MYH2: variants seen among roughly 807,000 people sequenced by gnomAD.
MYH2 encodes myosin heavy chain 2.
A neutral mutation model predicts 228.1 loss-of-function variants in MYH2; 139 were observed. That is an observed-to-expected ratio of 0.61 (90% CI 0.53 to 0.70). The LOEUF (loss-of-function observed/expected upper bound fraction) is 0.70, where lower values mean the gene tolerates loss of function less well. MYH2 is among the 30% of genes least tolerant of loss of function. The probability of loss-of-function intolerance (pLI) is 0.00; values close to 1 mark genes in which losing one functional copy is unlikely to be tolerated. For synonymous variants in MYH2, 796 were observed against 871.1 expected (o/e 0.91, Z 1.52); for missense variants, 1,809 against 2,357.5 (o/e 0.77, Z 4.82).
rs748617340 is a variant in MYH2 at position 10,527,836 on chromosome 17, T to C, written c.3783A>G (p.Gln1261=). 4 of 1,614,016 alleles carry C rather than the reference T, an allele frequency of 2.5e-6. No individual in the cohort carries two copies. In the South Asian group the frequency reaches 3.3e-5, roughly 13 times the overall value. ...LEKMCRTLED[Q]LSELKSKEEE... ...CTTCCTTTGATTTCAGTTCACTCAG[T>C]TGGTCCTCTAGAGTCCGGCACATTT... Residue 1261 remains glutamine (Q), a synonymous_variant, in exon 28 of 40, where the codon CAA becomes CAG. Coordinates refer to ENST00000245503, the MANE Select transcript of MYH2 (RefSeq NM_017534.6).
rs1366567306 is a variant in MYH2 at position 10,526,956 on chromosome 17, T to C, written c.3972A>G (p.Gln1324=). The change falls in exon 29 of 40, where the codon CAA becomes CAG. Residue 1324 remains glutamine (Q), a synonymous_variant. Transcript: ENST00000245503. ...FTQQIEELKR[Q]LEEEIKAKNA... is the part of the protein sequence containing the mutation. ...TAATTACTTTTATCTCCTCTTCAAG[T>C]TGCCTCTTTAATTCTTCAATCTGTT... 1.2e-6 allele frequency: 2 copies of C among 1,614,118 alleles called. No homozygotes were observed. Among genetic ancestry groups the C allele is most frequent in the South Asian group, 2.2e-5 (2 of 91,080 alleles).
intron 38 of MYH2, 22 bp downstream of exon 38, chr17:10,523,286 C>A: frequency 1.2e-6 from 2 of 1,613,568 alleles, no homozygotes; most frequent in South Asian, 2.2e-5. Context: ...AGTGCTTAGC[C>A]GCTAAAAACT....
chr17:10,545,548 T>C (rs1191563680), intron 4 of MYH2, 46 bp from the exon 5 acceptor site: 5 of 1,607,662 alleles, frequency 3.1e-6, no homozygotes, highest in East Asian at 2.2e-5. Context: ...TTTCCTGTTA[T>C]TTGTGAAATT....
chr17:10,526,466 G>C, intron 30 of MYH2, 133 bp downstream of exon 30: 1 of 1,397,840 alleles, frequency 7.2e-7, no homozygotes, highest in Non-Finnish European at 1.0e-6. Flanking sequence ...TATTCTCAGG[G>C]CCTGATTGTG....
chr17:10,547,694 C>T, intron 3 of MYH2, 23 bp downstream of exon 3: 1 of 1,614,170 alleles, frequency 6.2e-7, no homozygotes, highest in East Asian at 2.2e-5. Context: ...TAAAATGTGG[C>T]AAGCTCCTGG....
chr17:10,535,471 T>A, intron 17 of MYH2, 106 bp from the exon 18 acceptor site: 1 of 922,848 alleles, frequency 1.1e-6, no homozygotes, highest in South Asian at 1.4e-5. Context: ...ATGACCAGTA[T>A]GGACTGCATT....
At chr17:10,549,320 T>C (rs569001448) in intron 2 of MYH2, 55 bp downstream of exon 2, 2 of 152,770 alleles carry the variant, frequency 1.3e-5, no homozygotes, top group Non-Finnish European at 1.5e-5. Flanking sequence ...GTGACAGAAA[T>C]CCATCCCAGA....
At position 10,537,628 on chromosome 17, in the gene MYH2, T is replaced by C. The variant is rs1316167150; in HGVS notation, c.1587+37A>G. 1.5e-5 allele frequency: 25 copies of C among 1,614,242 alleles called. No homozygotes were observed. Among genetic ancestry groups the C allele is most frequent in the Non-Finnish European group, 2.0e-5 (24 of 1,180,032 alleles). ...AAATAAAAAGCAGCGAATAATATAG[T>C]TGCCGCAAAATATGGTTTCAGAAAT... On this transcript the variant is annotated intron_variant, in intron 15 of 39. Transcript: ENST00000245503. The surrounding 1 kb of genome is among the most constrained non-coding windows in gnomAD (Gnocchi z 4.0).
At chr17:10,535,642 C>T (rs1025111059) in intron 17 of MYH2, among the ~76,000 whole-genome samples, 1 of 152,174 alleles carries the variant, frequency 6.6e-6, no homozygotes, top group Admixed American at 6.5e-5. Flanking sequence ...TACCCTGGTC[C>T]CTGGCCATAC....
At chr17:10,522,552 T>A (rs1054263167) in intron 39 of MYH2, among the ~76,000 whole-genome samples, 6 of 152,054 alleles carry the variant, frequency 3.9e-5, no homozygotes, top group Non-Finnish European at 8.8e-5. Flanking sequence ...TCTACTGTTT[T>A]ATTATTATTT....
chr17:10,525,260 T>C lies in MYH2; in HGVS notation c.4626A>G (p.Glu1542=). The change falls in exon 33 of 40, where the codon GAA becomes GAG. Residue 1542 remains glutamate, a synonymous_variant. Transcript: ENST00000245503. The surrounding 1 kb of genome is among the most constrained non-coding windows in gnomAD (Gnocchi z 4.2). The part of the protein sequence containing the change: ...LEKIKKQVEQ[E]KCELQAALEE... ...CTAAAGCAGCCTGAAGTTCACACTT[T>C]TCTTGTTCCACTTGTTTCTTTATTT... 1 of 1,614,184 alleles carries C rather than the reference T, an allele frequency of 6.2e-7. No homozygotes were observed. Among genetic ancestry groups the C allele is most frequent in the Non-Finnish European group, 8.5e-7 (1 of 1,180,038 alleles).
intron 5 of MYH2, 67 bp from the exon 6 acceptor site, chr17:10,544,194 A>G: frequency 6.4e-7 from 1 of 1,566,916 alleles, no homozygotes. Context: ...AGTAAAGTAA[A>G]ATGGAATGAA....
intron 19 of MYH2, 59 bp downstream of exon 19, chr17:10,535,014 C>G: frequency 6.4e-7 from 1 of 1,561,680 alleles, no homozygotes; most frequent in East Asian, 2.2e-5. Context: ...AATTGTTTTG[C>G]TTGCATTAAA....
At chr17:10,530,777 C>T (rs907160830) in intron 22 of MYH2, among the ~76,000 whole-genome samples, 3 of 152,076 alleles carry the variant, frequency 2.0e-5, no homozygotes, top group Admixed American at 6.6e-5. Flanking sequence ...TGGTTTAGTA[C>T]AGATTCTGCA....
At chr17:10,526,888 A>G in intron 29 of MYH2, 50 bp downstream of exon 29, 4 of 1,613,060 alleles carry the variant, frequency 2.5e-6, no homozygotes, top group East Asian at 2.2e-5. Flanking sequence ...AACAGGCTCC[A>G]TGTAGAATCA....
chr17:10,535,013 G>T (rs926714662), intron 19 of MYH2, 60 bp downstream of exon 19: 4 of 1,550,252 alleles, frequency 2.6e-6, no homozygotes, highest in African/African-American at 1.4e-5. Flanking sequence ...AAATTGTTTT[G>T]CTTGCATTAA....
chr17:10,527,689 C>A, intron 28 of MYH2, 59 bp downstream of exon 28: 1 of 1,611,854 alleles, frequency 6.2e-7, no homozygotes, highest in South Asian at 1.1e-5. Context: ...CCAAATCAGT[C>A]CGTTGTTCTT....
intron 10 of MYH2, among the ~76,000 whole-genome samples, chr17:10,541,932 C>T (rs542029609): frequency 1.1e-4 from 17 of 152,254 alleles, no homozygotes; most frequent in African/African-American, 3.1e-4. Flanking sequence ...TAGGCACCAT[C>T]GCAAACACCT....
chr17:10,524,901 A>G lies in MYH2; in HGVS notation c.4827T>C (p.Ala1609=), dbSNP rs2142292649. The part of the protein sequence containing the change: ...IVESMQSTLD[A]EIRSRNDAIR... ...TGGCATCATTCCTACTCCTGATCTC[A>G]GCATCCAGCGTGCTCTGCATGGACT... The change falls in exon 34 of 40, where the codon GCT becomes GCC. Residue 1609 remains alanine (A), a synonymous_variant. Transcript: ENST00000245503. The surrounding 1 kb of genome is among the most constrained non-coding windows in gnomAD (Gnocchi z 4.7). The G allele has an allele frequency of 6.2e-7, 1 of 1,614,010 alleles. No homozygotes were observed. The highest frequency in any genetic ancestry group is 8.5e-7 in the Non-Finnish European group (1 of 1,180,006).
Sources: allele counts gnomAD v4.1 joint callset (sites outside exome capture counted in the v4.1 genomes callset), GRCh38; gene constraint gnomAD v4.1.1; non-coding constraint Gnocchi (gnomAD v3.1); transcripts MANE v1.5; gene names NCBI Gene and HGNC (gene_info 2026-07-23, HGNC 2026-07-21).